RYR2: variants seen among roughly 807,000 people sequenced by gnomAD.
RYR2 encodes the protein cardiac muscle ryanodine receptor-calcium release channel.
Under a neutral mutation model 601.1 loss-of-function variants are expected in RYR2, and 227 were observed. That is an observed-to-expected ratio of 0.38 (90% confidence interval 0.34 to 0.42). The LOEUF is 0.42. Ranked by LOEUF, RYR2 falls within the 10% of genes least tolerant of loss-of-function variation. The probability of loss-of-function intolerance (pLI) is 1.00; values close to 1 mark genes in which losing one functional copy is unlikely to be tolerated. For missense variants in RYR2, 4,646 were observed against 6,156.5 expected, an observed-to-expected ratio of 0.75 and a Z score of 8.21; for synonymous variants, 2,223 against 2,175.1, an observed-to-expected ratio of 1.02 and a Z score of -0.61.
At chr1:237,237,462 T>A (rs1207228242) in intron 1 of RYR2, among the ~76,000 whole-genome samples, 1 of 152,152 alleles carries the variant, frequency 6.6e-6, no homozygotes, top group Non-Finnish European at 1.5e-5. Context: ...AGAAGTGGAA[T>A]TGGACATGTT....
At chr1:237,612,946 G>A (rs952325169) in intron 36 of RYR2, among the ~76,000 whole-genome samples, 1 of 152,154 alleles carries the variant, frequency 6.6e-6, no homozygotes, top group Non-Finnish European at 1.5e-5. Context: ...TGTGTCACTG[G>A]CATCAGGCCA....
chr1:237,197,880 T>A (rs1030742868), intron 1 of RYR2, among the ~76,000 whole-genome samples: 2 of 151,984 alleles, frequency 1.3e-5, no homozygotes, highest in African/African-American at 4.8e-5. Context: ...AGGATGTGAG[T>A]TTGCAAGCTG....
intron 1 of RYR2, among the ~76,000 whole-genome samples, chr1:237,082,735 T>C (rs1665877755): frequency 6.6e-6 from 1 of 151,752 alleles, no homozygotes; most frequent in Non-Finnish European, 1.5e-5. Flanking sequence ...AAGTGTTAAA[T>C]TGGACCCTGC....
chr1:237,173,186 T>A (rs1041975368), intron 1 of RYR2, among the ~76,000 whole-genome samples: 1 of 152,084 alleles, frequency 6.6e-6, no homozygotes, highest in East Asian at 1.9e-4. Context: ...TTTTTTTTTT[T>A]ATCAGCTTAT....
intron 97 of RYR2, among the ~76,000 whole-genome samples, chr1:237,801,367 CAAA>C (rs71162423): frequency 0.055 from 5,225 of 95,196 alleles, 42 homozygotes; most frequent in Non-Finnish European, 0.068. Context: ...CCCATCTCTA[CAAA>C]AAAAAAAAAA....
chr1:237,333,991 T>C (rs1697004276), intron 3 of RYR2, among the ~76,000 whole-genome samples: 1 of 152,240 alleles, frequency 6.6e-6, no homozygotes. Flanking sequence ...ATTTAATAAT[T>C]CTTCTTTAAT....
At chr1:237,120,635 G>C (rs975828061) in intron 1 of RYR2, among the ~76,000 whole-genome samples, 1 of 152,164 alleles carries the variant, frequency 6.6e-6, no homozygotes, top group Non-Finnish European at 1.5e-5. Flanking sequence ...CATTGGTAAA[G>C]TATCAACAAT....
chr1:237,343,170 C>T (rs532577523), intron 3 of RYR2, among the ~76,000 whole-genome samples: 1 of 152,006 alleles, frequency 6.6e-6, no homozygotes, highest in Middle Eastern at 3.4e-3. Context: ...CTGCGGTGAG[C>T]TGTGTTTGTG....
intron 3 of RYR2, among the ~76,000 whole-genome samples, chr1:237,346,482 G>T (rs1279350338): frequency 6.6e-6 from 1 of 151,794 alleles, no homozygotes; most frequent in African/African-American, 2.4e-5. Flanking sequence ...GGAAGTAGTA[G>T]CTCTTAGTTC....
At chr1:237,551,526 G>A (rs1356028846) in intron 27 of RYR2, among the ~76,000 whole-genome samples, 12 of 42,374 alleles carry the variant, frequency 2.8e-4, no homozygotes, top group East Asian at 8.5e-4. Context: ...GCAAGACTCC[G>A]TCTCAAAAAA....
At chr1:237,049,093 A>G (rs1660939608) in intron 1 of RYR2, among the ~76,000 whole-genome samples, 2 of 152,152 alleles carry the variant, frequency 1.3e-5, no homozygotes, top group African/African-American at 2.4e-5. Flanking sequence ...GGGAGGCCGC[A>G]GTGGCTCCCA....
chr1:237,380,274 GT>G (rs1335907864), intron 8 of RYR2, among the ~76,000 whole-genome samples: 10 of 148,220 alleles, frequency 6.7e-5, no homozygotes, highest in African/African-American at 2.5e-4. Context: ...GGCAGAGGGA[GT>G]TGAAATAATC....
At chr1:237,682,572 C>T (rs1685984737) in intron 62 of RYR2, among the ~76,000 whole-genome samples, 1 of 152,060 alleles carries the variant, frequency 6.6e-6, no homozygotes, top group African/African-American at 2.4e-5. Context: ...AAGTATGTAG[C>T]CTGGAGCAAT....
At chr1:237,685,198 T>A (rs971014429) in intron 62 of RYR2, among the ~76,000 whole-genome samples, 2 of 152,152 alleles carry the variant, frequency 1.3e-5, no homozygotes, top group African/African-American at 4.8e-5. Flanking sequence ...TAGAAAATAT[T>A]TTTTAGAGAA....
At chr1:237,331,312 A>T (rs532157425) in intron 3 of RYR2, among the ~76,000 whole-genome samples, 1 of 152,134 alleles carries the variant, frequency 6.6e-6, no homozygotes, top group South Asian at 2.1e-4. Context: ...AGCTTTATGC[A>T]TGGCTATTTG....
chr1:237,525,405 T>G (rs1279656649), intron 24 of RYR2, among the ~76,000 whole-genome samples: 1 of 152,126 alleles, frequency 6.6e-6, no homozygotes, highest in Non-Finnish European at 1.5e-5. Flanking sequence ...TTTGCTATTG[T>G]AAATAGTGCC....
chr1:237,471,084 G>T (rs978693504), intron 17 of RYR2: 1 of 154,456 alleles, frequency 6.5e-6, no homozygotes, highest in African/African-American at 2.4e-5. Context: ...AAGGCTGGCT[G>T]CTCCACCCTA....
At chr1:237,392,620 A>T (rs1243492436) in intron 10 of RYR2, among the ~76,000 whole-genome samples, 1 of 152,140 alleles carries the variant, frequency 6.6e-6, no homozygotes, top group Non-Finnish European at 1.5e-5. Context: ...CCAAAATTTT[A>T]TGTGAATATA....
At chr1:237,204,519 G>T (rs200866928) in intron 1 of RYR2, among the ~76,000 whole-genome samples, 5 of 145,614 alleles carry the variant, frequency 3.4e-5, no homozygotes, top group African/African-American at 5.2e-5. Flanking sequence ...AAAAAAAAAA[G>T]AAAGAAAACT....
Sources: gnomAD v4.1 joint callset for allele counts (sites outside exome capture counted in the v4.1 genomes callset) on GRCh38, gnomAD v4.1.1 for gene constraint, MANE v1.5 for transcripts, NCBI Gene and HGNC (gene_info 2026-07-23, HGNC 2026-07-21) for gene names.